SMIM22: variants seen among roughly 807,000 people sequenced by gnomAD.
SMIM22 encodes the protein cancer associated small integral membrane open reading frame 1.
A neutral mutation model predicts 8.4 loss-of-function variants in SMIM22; 16 were observed. That is an observed-to-expected ratio of 1.90 (90% CI 1.29 to 2.89). The LOEUF (loss-of-function observed/expected upper bound fraction) is 2.89. Among genes scored for constraint, SMIM22 ranks in the 30% most tolerant of loss-of-function variants. The pLI, the probability that SMIM22 is intolerant of heterozygous loss-of-function variation, is 0.00. For synonymous variants in SMIM22, 67 were observed against 47.6 expected, an observed-to-expected ratio of 1.41 and a Z score of -1.68; for missense variants, 159 against 107.5, an observed-to-expected ratio of 1.48 and a Z score of -2.12.
At chr16:4,795,481 G>A (rs923452484) in intron 1 of SMIM22, 32 bp downstream of exon 1, 4 of 537,668 alleles carry the variant, frequency 7.4e-6, no homozygotes, top group South Asian at 2.2e-5. Context: ...GGGCTGCCAG[G>A]GGGAGAGAGA....
chr16:4,792,342 C>T (rs1177105942), upstream of SMIM22, among the ~76,000 whole-genome samples: 3 of 151,760 alleles, frequency 2.0e-5, no homozygotes, highest in South Asian at 2.1e-4. Context: ...AGGTGCCCGC[C>T]ACCACGCCCG....
upstream of SMIM22, among the ~76,000 whole-genome samples, chr16:4,791,777 TC>T (rs1386987461): frequency 6.6e-6 from 1 of 152,120 alleles, no homozygotes; most frequent in Non-Finnish European, 1.5e-5. Flanking sequence ...AACCTCTGCC[TC>T]CCGGGTTCAA....
chr16:4,789,779 C>G (rs1329843810), intron 2 of SMIM22, among the ~76,000 whole-genome samples: 1 of 152,102 alleles, frequency 6.6e-6, no homozygotes, highest in Non-Finnish European at 1.5e-5. Context: ...TTTCTTATAC[C>G]AAGTCCATCT....
exon 2 of SMIM22, chr16:4,788,731 G>C (rs1481919302): frequency 6.6e-6 from 1 of 152,210 alleles, no homozygotes; most frequent in Non-Finnish European, 1.5e-5. Context: ...CGTTCTAGGA[G>C]CCCAAAGATG....
chr16:4,794,039 G>A (rs577019175), upstream of SMIM22, among the ~76,000 whole-genome samples: 75 of 152,114 alleles, frequency 4.9e-4, no homozygotes, highest in African/African-American at 1.7e-3. Flanking sequence ...GGGTTCAAGC[G>A]ATTCTCCTGC....
chr16:4,796,143 G>C, intron 3 of SMIM22, 47 bp from the exon 4 acceptor site: 2 of 1,535,938 alleles, frequency 1.3e-6, no homozygotes. Context: ...CATCCCCCTA[G>C]GGAACAACGA....
rs1196685002 is a variant in SMIM22, at chr16:4,796,223, G to A, written c.259G>A (p.Glu87Lys). The A allele has an allele frequency of 1.3e-6, 2 of 1,535,878 alleles. No individual in the cohort carries two copies. Among genetic ancestry groups the A allele is most frequent in the Non-Finnish European group, 1.7e-6 (2 of 1,146,840 alleles). Residue 87 changes from glutamate to lysine, a missense_variant, in exon 4 of 4, where the codon GAA becomes AAA. Transcript: ENST00000586005. ...RPKGVDNLAL[E>K]P ...CAAGGGAGTGGATAACTTGGCCCTGGAACCCTGACCCTGTGTCTCCTGCCC... is the reference window on the plus strand; with the variant it reads ...CAAGGGAGTGGATAACTTGGCCCTGAAACCCTGACCCTGTGTCTCCTGCCC...
At chr16:4,793,412 G>A (rs1337441333), upstream of SMIM22, among the ~76,000 whole-genome samples, 2 of 152,142 alleles carry the variant, frequency 1.3e-5, no homozygotes, top group Non-Finnish European at 2.9e-5. Context: ...GGTGTGTGAC[G>A]GGCTAATGGC....
intron 2 of SMIM22, among the ~76,000 whole-genome samples, chr16:4,789,298 T>C (rs1730331201): frequency 6.6e-6 from 1 of 152,064 alleles, no homozygotes; most frequent in Admixed American, 6.6e-5. Flanking sequence ...TGAGCCACCA[T>C]GCCTGGCCTT....
At chr16:4,795,261 T>A (rs1409694317), upstream of SMIM22, 1 of 161,152 alleles carries the variant, frequency 6.2e-6, no homozygotes, top group African/African-American at 2.4e-5. Context: ...TCCCTGGGCC[T>A]CCAGCAGTGG....
At chr16:4,791,467 C>T (rs1187125261), upstream of SMIM22, among the ~76,000 whole-genome samples, 1 of 152,106 alleles carries the variant, frequency 6.6e-6, no homozygotes, top group South Asian at 2.1e-4. Context: ...TTCATCCTCA[C>T]GACACTGGGA....
At chr16:4,795,583 G>A (rs771225944) in intron 1 of SMIM22, 132 bp from the exon 2 acceptor site, 3 of 1,135,298 alleles carry the variant, frequency 2.6e-6, no homozygotes, top group African/African-American at 3.1e-5. Flanking sequence ...CGAGGGAGAA[G>A]TGGAGTGGGA....
rs1219686430 is a variant in SMIM22 at position 4,795,802 on chromosome 16, A to G, written c.68A>G (p.Gln23Arg). ...GTCCTGGGGAGACTGAAGAGCCACCAGTTTTTCCAGTCCACATGGGACACT... is the reference window on the plus strand; with the variant it reads ...GTCCTGGGGAGACTGAAGAGCCACCGGTTTTTCCAGTCCACATGGGACACT... Reference protein sequence around the residue: ...QEVLGRLKSHQFFQSTWDTVA... With the variant: ...QEVLGRLKSHRFFQSTWDTVA... The change falls in exon 2 of 4, where the codon CAG becomes CGG. Residue 23 changes from glutamine (Q) to arginine (R), a missense_variant. By Grantham distance (43) the Gln-to-Arg change is conservative. Transcript: ENST00000586005. 15 of 1,535,882 alleles carry G rather than the reference A, an allele frequency of 9.8e-6. No individual in the cohort carries two copies. The highest frequency in any genetic ancestry group is 1.3e-5 in the Non-Finnish European group (15 of 1,146,832).
Position 4,795,930 on chromosome 16 carries a change from C to G in SMIM22, c.125-18C>G, listed in dbSNP as rs59758465. 0.013 allele frequency: 19,138 copies of G among 1,520,072 alleles called. 1,950 individuals are homozygous for G. In the African/African-American group the frequency reaches 0.23, roughly 18 times the overall value. 94.2% of individuals were successfully genotyped at this position (1,520,072 alleles called of 1,614,324 possible). ...GCTCCAGGTTGGGGCCACACCTGGACGCCTGTCCTGTCCCCAGGCACCGTG... is the reference window on the plus strand; with the variant it reads ...GCTCCAGGTTGGGGCCACACCTGGAGGCCTGTCCTGTCCCCAGGCACCGTG... On this transcript the variant is annotated intron_variant, in intron 2 of 3. Coordinates refer to ENST00000586005, the MANE Select transcript of SMIM22 (RefSeq NM_001253794.2).
chr16:4,793,189 G>A (rs1245733584), upstream of SMIM22, among the ~76,000 whole-genome samples: 1 of 151,894 alleles, frequency 6.6e-6, no homozygotes, highest in Non-Finnish European at 1.5e-5. Context: ...AGAGGGTGGA[G>A]GGATGGGAGA....
upstream of SMIM22, among the ~76,000 whole-genome samples, chr16:4,793,076 T>C (rs1485974389): frequency 7.4e-6 from 1 of 135,438 alleles, no homozygotes; most frequent in Non-Finnish European, 1.5e-5. Context: ...GCCACTGCAC[T>C]CTAGCCTCAG....
At position 4,796,271 on chromosome 16, in the gene SMIM22, G is replaced by A. The variant is rs184373341; in HGVS notation, c.*40G>A. Reference sequence around the variant, plus strand: ...CCCGGTGGCAGTAACAAAGCCTTCTGTCTGCCCAGAGCCTGAGTCTGCAGT... The same window carrying A: ...CCCGGTGGCAGTAACAAAGCCTTCTATCTGCCCAGAGCCTGAGTCTGCAGT... On this transcript the variant is annotated 3_prime_UTR_variant, in exon 4 of 4. Coordinates refer to ENST00000586005, the MANE Select transcript of SMIM22 (RefSeq NM_001253794.2). 4 of 1,533,676 alleles carry A rather than the reference G, an allele frequency of 2.6e-6. No individual in the cohort carries two copies. Among genetic ancestry groups the A allele is most frequent in the African/African-American group, 1.4e-5 (1 of 73,138 alleles).
intron 2 of SMIM22, 31 bp from the exon 3 acceptor site, chr16:4,795,917 G>A: frequency 1.3e-6 from 2 of 1,526,344 alleles, no homozygotes; most frequent in South Asian, 1.2e-5. Flanking sequence ...TCCAGGTTGG[G>A]GCCACACCTG....
intron 2 of SMIM22, among the ~76,000 whole-genome samples, chr16:4,789,674 G>T (rs2082520298): frequency 6.6e-6 from 1 of 151,834 alleles, no homozygotes; most frequent in Non-Finnish European, 1.5e-5. Flanking sequence ...GCCCATGCTG[G>T]TCTCAAACTC....
Sources: allele counts gnomAD v4.1 joint callset (sites outside exome capture counted in the v4.1 genomes callset), GRCh38; gene constraint gnomAD v4.1.1; transcripts MANE v1.5; gene names NCBI Gene and HGNC (gene_info 2026-07-23, HGNC 2026-07-21).